The following FER1L6 variants were observed in gnomAD, a reference collection of about 807,000 sequenced individuals.
FER1L6 encodes fer-1 like family member 6.
In FER1L6, 177 loss-of-function variants were observed where a neutral mutation model predicts 219.2. The observed-to-expected ratio is 0.81, with a 90% confidence interval of 0.71 to 0.91. FER1L6 has a LOEUF of 0.91. FER1L6 is among the 40% of genes least tolerant of loss of function. FER1L6 has a pLI of 0.00. For synonymous variants in FER1L6, 768 were observed against 824.3 expected (o/e 0.93, Z 1.17); for missense variants, 2,153 against 2,259.9 (o/e 0.95, Z 0.96).
chr8:123,960,792 A>C (rs1815238444), intron 2 of FER1L6, among the ~76,000 whole-genome samples: 1 of 151,776 alleles, frequency 6.6e-6, no homozygotes, highest in African/African-American at 2.4e-5. Flanking sequence ...CTCATCTCAA[A>C]CTCTTAATGT....
intron 12 of FER1L6, among the ~76,000 whole-genome samples, chr8:123,996,423 C>T (rs1817135522): frequency 6.6e-6 from 1 of 152,068 alleles, no homozygotes; most frequent in Non-Finnish European, 1.5e-5. Flanking sequence ...ATGTTGAAAT[C>T]TACTTTATGT....
intron 1 of FER1L6, among the ~76,000 whole-genome samples, chr8:123,888,381 T>G (rs1269762279): frequency 1.3e-5 from 2 of 152,122 alleles, no homozygotes; most frequent in Admixed American, 1.3e-4. Context: ...CCTCCCAAAG[T>G]GCTGGGATTA....
At chr8:124,074,461 C>A (rs1004817109) in intron 31 of FER1L6, among the ~76,000 whole-genome samples, 8 of 151,860 alleles carry the variant, frequency 5.3e-5, no homozygotes, top group Non-Finnish European at 1.2e-4. Flanking sequence ...AGTTTGAGAC[C>A]AGCCTGGGCA....
At chr8:124,119,583 G>A (rs774113136) in intron 40 of FER1L6, 24 bp from the exon 41 acceptor site, 2 of 1,535,516 alleles carry the variant, frequency 1.3e-6, no homozygotes, top group East Asian at 2.2e-5. Flanking sequence ...CCCCCTTTTT[G>A]ATTTTCTCTT....
intron 6 of FER1L6, among the ~76,000 whole-genome samples, chr8:123,972,078 G>A (rs1815846917): frequency 6.6e-6 from 1 of 152,236 alleles, no homozygotes; most frequent in Admixed American, 6.5e-5. Context: ...AAAAACACAT[G>A]AGCAACTGCA....
intron 1 of FER1L6, among the ~76,000 whole-genome samples, chr8:123,875,725 A>G (rs571981510): frequency 2.6e-5 from 4 of 152,284 alleles, no homozygotes; most frequent in African/African-American, 9.6e-5. Context: ...TGTCTTTCCC[A>G]TATTAATAAA....
chr8:124,076,764 CAT>C (rs1275183466), intron 32 of FER1L6, among the ~76,000 whole-genome samples: 5 of 152,122 alleles, frequency 3.3e-5, no homozygotes, highest in African/African-American at 1.2e-4. Context: ...GGTTAAGAAA[CAT>C]ATTCAAGTTC....
chr8:123,970,215 A>G, intron 6 of FER1L6, 118 bp downstream of exon 6: 1 of 919,446 alleles, frequency 1.1e-6, no homozygotes, highest in Non-Finnish European at 1.8e-6. Flanking sequence ...GGCAAGTGTC[A>G]GTTGGTGAGT....
chr8:124,013,328 C>CA (rs60829730), intron 14 of FER1L6, 103 bp from the exon 15 acceptor site: 22,133 of 587,234 alleles, frequency 0.038, 1,906 homozygotes, highest in African/African-American at 0.29. Context: ...ATTGCCAAAA[C>CA]AAAAAAAAAA....
At chr8:124,099,076 C>A (rs188056293) in intron 37 of FER1L6, among the ~76,000 whole-genome samples, 4 of 152,318 alleles carry the variant, frequency 2.6e-5, no homozygotes, top group Non-Finnish European at 5.9e-5. Context: ...TTGATCACTT[C>A]TTGTCCGTGT....
At chr8:124,027,096 C>T (rs909365191) in intron 18 of FER1L6, among the ~76,000 whole-genome samples, 1 of 152,080 alleles carries the variant, frequency 6.6e-6, no homozygotes, top group African/African-American at 2.4e-5. Context: ...TTTGTGACTC[C>T]AGTCATATGG....
intron 1 of FER1L6, among the ~76,000 whole-genome samples, chr8:123,931,316 G>A (rs1813753246): frequency 6.6e-6 from 1 of 152,172 alleles, no homozygotes; most frequent in African/African-American, 2.4e-5. Context: ...TAGAAGACTG[G>A]AAGAATCAGC....
chr8:123,977,627 T>C lies in FER1L6; in HGVS notation c.1063+18T>C, dbSNP rs762891272. On this transcript the variant is annotated intron_variant, in intron 10 of 40. Coordinates refer to ENST00000522917, the MANE Select transcript of FER1L6 (RefSeq NM_001039112.2). Reference sequence around the variant, plus strand: ...AGACAAAGGTAAAGTCCCATCCATCTGACTTGAAAAATGTCTCAAAATGCT... The same window carrying C: ...AGACAAAGGTAAAGTCCCATCCATCCGACTTGAAAAATGTCTCAAAATGCT... 1.2e-6 allele frequency: 2 copies of C among 1,610,898 alleles called. No individual in the cohort carries two copies. Among genetic ancestry groups the C allele is most frequent in the South Asian group, 2.2e-5 (2 of 90,796 alleles).
chr8:123,886,813 A>G (rs537803941), intron 1 of FER1L6, among the ~76,000 whole-genome samples: 1 of 152,346 alleles, frequency 6.6e-6, no homozygotes, highest in African/African-American at 2.4e-5. Context: ...CTTAATATAA[A>G]TGTGTTGAAT....
chr8:123,958,707 A>C (rs1226060423), intron 2 of FER1L6, among the ~76,000 whole-genome samples: 1 of 151,864 alleles, frequency 6.6e-6, no homozygotes, highest in Non-Finnish European at 1.5e-5. Context: ...TTAAAAAAAA[A>C]CCCAAAACAG....
At chr8:123,890,583 G>A (rs1812622134) in intron 1 of FER1L6, among the ~76,000 whole-genome samples, 1 of 146,640 alleles carries the variant, frequency 6.8e-6, no homozygotes, top group African/African-American at 2.5e-5. Flanking sequence ...CCTTTGTCAA[G>A]CCTGCAAAAA....
chr8:124,050,598 G>A (rs1393916803), intron 22 of FER1L6, among the ~76,000 whole-genome samples: 3 of 152,198 alleles, frequency 2.0e-5, no homozygotes, highest in Middle Eastern at 3.4e-3. Context: ...TATCTTAGGC[G>A]CTTAGGCTGC....
At position 124,119,779 on chromosome 8, in the gene FER1L6, G is replaced by T; in HGVS notation, c.5563G>T (p.Val1855Leu). The change falls in exon 41 of 41, where the codon GTG (valine) becomes TTG (leucine). Residue 1855 changes from valine to leucine, a missense_variant. By Grantham distance (32) the Val-to-Leu change is conservative (BLOSUM62 1). Transcript: ENST00000522917. ...AGGAGCCATCAGCCGAAGGATCGTT[G>T]TGGGCTCATAGAGGATCATGGAGGA... ...LPGAISRRIVVGS is the reference protein window; with the variant it reads ...LPGAISRRIVLGS The T allele has an allele frequency of 6.2e-7, 1 of 1,613,868 alleles. No homozygotes were observed.
chr8:123,921,088 T>C (rs1441567600), intron 1 of FER1L6, among the ~76,000 whole-genome samples: 1 of 152,356 alleles, frequency 6.6e-6, no homozygotes, highest in East Asian at 1.9e-4. Flanking sequence ...CTTTCATCCA[T>C]TGATGGATAT....
Sources: allele counts gnomAD v4.1 joint callset (sites outside exome capture counted in the v4.1 genomes callset), GRCh38; gene constraint gnomAD v4.1.1; transcripts MANE v1.5; gene names NCBI Gene and HGNC (gene_info 2026-07-23, HGNC 2026-07-21).